The following ATE1 variants were observed in gnomAD, a reference collection of about 807,000 sequenced individuals.
ATE1 encodes the protein arginyltransferase 1.
Under a neutral mutation model 70.5 loss-of-function variants are expected in ATE1, and 36 were observed. That is an observed-to-expected ratio of 0.51 (90% confidence interval 0.39 to 0.67). The LOEUF is 0.67. ATE1 is among the 30% of genes least tolerant of loss of function. The probability of loss-of-function intolerance (pLI) is 0.00; values close to 1 mark genes in which losing one functional copy is unlikely to be tolerated. For synonymous variants in ATE1, 232 were observed against 219.3 expected (o/e 1.06, Z -0.51); for missense variants, 593 against 629.5 (o/e 0.94, Z 0.62).
chr10:121,809,204 G>A (rs1431937838), intron 10 of ATE1, among the ~76,000 whole-genome samples: 1 of 152,104 alleles, frequency 6.6e-6, no homozygotes, highest in African/African-American at 2.4e-5. Flanking sequence ...GCAACAAACA[G>A]TGTCAGCTGT....
intron 11 of ATE1, among the ~76,000 whole-genome samples, chr10:121,762,518 AC>A (rs1945086016): frequency 6.6e-6 from 1 of 151,716 alleles, no homozygotes; most frequent in Admixed American, 6.6e-5. Context: ...GCATCTGCCC[AC>A]CCCCACCCCT....
chr10:121,830,813 C>A (rs985028263), intron 10 of ATE1, among the ~76,000 whole-genome samples: 1 of 152,134 alleles, frequency 6.6e-6, no homozygotes, highest in Non-Finnish European at 1.5e-5. Context: ...CAAATACTTA[C>A]AAAATCACTA....
intron 10 of ATE1, among the ~76,000 whole-genome samples, chr10:121,823,363 G>A (rs930182442): frequency 2.0e-5 from 3 of 152,298 alleles, no homozygotes; most frequent in African/African-American, 4.8e-5. Flanking sequence ...ATTACCTCCA[G>A]CTTTAGAATG....
chr10:121,793,584 T>C (rs1003541889), intron 10 of ATE1, among the ~76,000 whole-genome samples: 8 of 152,346 alleles, frequency 5.3e-5, no homozygotes, highest in Non-Finnish European at 1.0e-4. Context: ...TTTCATGTGG[T>C]TTTAATTAGC....
intron 8 of ATE1, among the ~76,000 whole-genome samples, chr10:121,859,729 G>C (rs1949400675): frequency 6.6e-6 from 1 of 151,884 alleles, no homozygotes; most frequent in Non-Finnish European, 1.5e-5. Flanking sequence ...ATCACTTGAG[G>C]TCGGGAGTTC....
At chr10:121,802,167 G>A (rs914387659) in intron 10 of ATE1, among the ~76,000 whole-genome samples, 15 of 152,226 alleles carry the variant, frequency 9.9e-5, no homozygotes, top group Admixed American at 2.0e-4. Context: ...CTCTCCAGTC[G>A]AGAGATAACC....
chr10:121,880,084 T>C (rs1200283959), intron 7 of ATE1, among the ~76,000 whole-genome samples: 1 of 152,150 alleles, frequency 6.6e-6, no homozygotes, highest in African/African-American at 2.4e-5. Context: ...AAAGACAAAT[T>C]TGTTTTTAAT....
intron 10 of ATE1, among the ~76,000 whole-genome samples, chr10:121,792,869 G>A (rs1946509865): frequency 6.6e-6 from 1 of 152,002 alleles, no homozygotes; most frequent in South Asian, 2.1e-4. Context: ...TCTTGACCTG[G>A]GAGTATAGAA....
intron 7 of ATE1, chr10:121,898,741 A>T: frequency 7.4e-7 from 1 of 1,359,146 alleles, no homozygotes; most frequent in East Asian, 2.4e-5. Flanking sequence ...TCAGTAATAC[A>T]CACTGAAAGG....
Position 121,888,860 on chromosome 10 carries a change from G to A in ATE1, c.942+11006C>T, listed in dbSNP as rs193217800. 1.8e-3 allele frequency among the ~76,000 whole-genome samples: 268 copies of A among 152,132 alleles called. 1 individual carries two copies. The highest frequency in any genetic ancestry group is 6.2e-3 in the African/African-American group (257 of 41,498). ...AGATAACTCACACTACCATAATGTT[G>A]GGCAAATGAAACCACACTCAAAAGA... On this transcript the variant is annotated intron_variant, in intron 7 of 11. Coordinates refer to ENST00000224652, the MANE Select transcript of ATE1 (RefSeq NM_001001976.3).
At chr10:121,752,029 TAAA>T (rs1213999909) in intron 11 of ATE1, among the ~76,000 whole-genome samples, 3 of 150,054 alleles carry the variant, frequency 2.0e-5, no homozygotes, top group African/African-American at 7.3e-5. Context: ...CCGTCTCTAC[TAAA>T]AAAAATACAA....
chr10:121,821,102 T>C (rs539484217), intron 10 of ATE1, among the ~76,000 whole-genome samples: 2 of 152,276 alleles, frequency 1.3e-5, no homozygotes, highest in South Asian at 2.1e-4. Flanking sequence ...CCACCACGCC[T>C]GGCTAATTTC....
chr10:121,817,452 C>A (rs181703487), intron 10 of ATE1, among the ~76,000 whole-genome samples: 1 of 151,508 alleles, frequency 6.6e-6, no homozygotes, highest in African/African-American at 2.4e-5. Context: ...GGCAGGAGAA[C>A]GGTGTGAACC....
At chr10:121,882,982 G>GA (rs1019655088) in intron 7 of ATE1, among the ~76,000 whole-genome samples, 1 of 151,962 alleles carries the variant, frequency 6.6e-6, no homozygotes, top group Non-Finnish European at 1.5e-5. Context: ...CAAAACCCCA[G>GA]AAAAAAACAA....
intron 7 of ATE1, among the ~76,000 whole-genome samples, chr10:121,876,111 T>C (rs1322310987): frequency 6.6e-6 from 1 of 152,136 alleles, no homozygotes; most frequent in Non-Finnish European, 1.5e-5. Context: ...TTTTCCCCCA[T>C]TTAAGAGTTC....
chr10:121,859,323 C>A (rs547887907), intron 8 of ATE1, among the ~76,000 whole-genome samples: 1 of 148,146 alleles, frequency 6.8e-6, no homozygotes, highest in African/African-American at 2.5e-5. Context: ...GTGGCGGGAT[C>A]TCGGCTCACT....
intron 8 of ATE1, among the ~76,000 whole-genome samples, chr10:121,867,967 T>A (rs537579402): frequency 3.9e-4 from 60 of 152,230 alleles, no homozygotes; most frequent in Non-Finnish European, 7.8e-4. Context: ...TTTGATGAAC[T>A]CTCTGACAGT....
At chr10:121,744,434 T>A (rs1218282564) in intron 11 of ATE1, among the ~76,000 whole-genome samples, 3 of 152,108 alleles carry the variant, frequency 2.0e-5, no homozygotes, top group African/African-American at 7.2e-5. Flanking sequence ...TGTGTCTAAT[T>A]AGAACACTGG....
At position 121,906,185 on chromosome 10, in the gene ATE1, G is replaced by A. The variant is rs1442878766; in HGVS notation, c.584-3565C>T. On this transcript the variant is annotated intron_variant, in intron 5 of 11. Coordinates refer to ENST00000224652, the MANE Select transcript of ATE1 (RefSeq NM_001001976.3). ...AAGGTGAGAGGACTCCTTAAGCACA[G>A]GAGTTCCAGACCAGCCTGGGCAACA... Among the ~76,000 whole-genome samples the A allele has an allele frequency of 3.9e-5, 6 of 152,292 alleles. No individual in the cohort carries two copies. In the South Asian group the frequency reaches 8.3e-4, roughly 21 times the overall value.
Sources: allele counts gnomAD v4.1 joint callset (sites outside exome capture counted in the v4.1 genomes callset), GRCh38; gene constraint gnomAD v4.1.1; transcripts MANE v1.5; gene names NCBI Gene and HGNC (gene_info 2026-07-23, HGNC 2026-07-21).